The following STAU2 variants were observed in gnomAD, a reference collection of about 807,000 sequenced individuals.
STAU2 encodes double-stranded RNA-binding protein Staufen homolog 2.
A neutral mutation model predicts 65.9 loss-of-function variants in STAU2; 20 were observed. That is an observed-to-expected ratio of 0.30 (90% CI 0.21 to 0.44). The LOEUF is 0.44. Among genes scored for constraint, STAU2 ranks in the 20% least tolerant of loss-of-function variants. The probability of loss-of-function intolerance (pLI) is 1.00; values close to 1 mark genes in which losing one functional copy is unlikely to be tolerated. For missense variants in STAU2, 558 were observed against 683.9 expected, an observed-to-expected ratio of 0.82 and a Z score of 2.05; for synonymous variants, 232 against 233.9, an observed-to-expected ratio of 0.99 and a Z score of 0.07.
chr8:73,737,563 T>C (rs1806527360), intron 3 of STAU2, among the ~76,000 whole-genome samples: 1 of 142,518 alleles, frequency 7.0e-6, no homozygotes. Context: ...TTTGTTTCTT[T>C]CCTTTTTTTT....
At chr8:73,678,042 C>T (rs552358164) in intron 5 of STAU2, among the ~76,000 whole-genome samples, 1 of 152,120 alleles carries the variant, frequency 6.6e-6, no homozygotes, top group African/African-American at 2.4e-5. Context: ...TTGTTCTGTT[C>T]CATTCCAAAT....
At chr8:73,453,264 C>A (rs1818894546) in intron 13 of STAU2, among the ~76,000 whole-genome samples, 1 of 152,040 alleles carries the variant, frequency 6.6e-6, no homozygotes, top group African/African-American at 2.4e-5. Context: ...AAGAGGTTGG[C>A]AATTATTGTA....
At chr8:73,611,063 G>A (rs7842195) in intron 9 of STAU2, among the ~76,000 whole-genome samples, 51,742 of 151,978 alleles carry the variant, frequency 0.34, 10,645 homozygotes, top group Non-Finnish European at 0.45. Context: ...TAAAACCAAG[G>A]CAAATAATCA....
At chr8:73,641,689 G>A (rs1814983540) in intron 6 of STAU2, among the ~76,000 whole-genome samples, 1 of 152,146 alleles carries the variant, frequency 6.6e-6, no homozygotes, top group Non-Finnish European at 1.5e-5. Context: ...CCGCAGTAAA[G>A]AAAACTGTTG....
At chr8:73,573,153 T>C (rs957687324) in intron 12 of STAU2, among the ~76,000 whole-genome samples, 9 of 152,184 alleles carry the variant, frequency 5.9e-5, no homozygotes, top group African/African-American at 2.2e-4. Context: ...CCATTCACAA[T>C]TGCTTCAAAG....
chr8:73,493,062 T>A (rs761816778), intron 13 of STAU2, among the ~76,000 whole-genome samples: 1 of 151,864 alleles, frequency 6.6e-6, no homozygotes, highest in Non-Finnish European at 1.5e-5. Context: ...TCCATTTATG[T>A]CAGAATAACT....
At chr8:73,627,836 C>G (rs1813803948) in intron 6 of STAU2, among the ~76,000 whole-genome samples, 1 of 150,510 alleles carries the variant, frequency 6.6e-6, no homozygotes, top group Non-Finnish European at 1.5e-5. Context: ...GATTTAAGTT[C>G]CAGCTACTAG....
At chr8:73,605,766 T>C (rs1811962763) in intron 9 of STAU2, among the ~76,000 whole-genome samples, 1 of 151,590 alleles carries the variant, frequency 6.6e-6, no homozygotes, top group Non-Finnish European at 1.5e-5. Flanking sequence ...GTGTGTAGTA[T>C]TGGTATAAAG....
intron 3 of STAU2, among the ~76,000 whole-genome samples, chr8:73,715,466 AG>A (rs11368187): frequency 0.24 from 34,597 of 142,986 alleles, 4,471 homozygotes; most frequent in East Asian, 0.41. Flanking sequence ...AAAAAAAAAA[AG>A]AAAGAAAGAA....
chr8:73,454,995 A>G (rs908066595), intron 13 of STAU2, among the ~76,000 whole-genome samples: 4 of 152,192 alleles, frequency 2.6e-5, no homozygotes, highest in African/African-American at 9.6e-5. Flanking sequence ...AGTCCAAGCC[A>G]GCTCATGCTT....
chr8:73,641,532 G>A (rs979283364), intron 6 of STAU2, among the ~76,000 whole-genome samples: 1 of 152,174 alleles, frequency 6.6e-6, no homozygotes, highest in African/African-American at 2.4e-5. Context: ...ATGTCAGCCA[G>A]CATTTCCTAA....
chr8:73,452,890 C>A (rs1262452265), intron 13 of STAU2, among the ~76,000 whole-genome samples: 1 of 152,144 alleles, frequency 6.6e-6, no homozygotes, highest in African/African-American at 2.4e-5. Flanking sequence ...TCCAACGAGC[C>A]AGAAGAAAGT....
intron 6 of STAU2, among the ~76,000 whole-genome samples, chr8:73,665,781 T>C (rs28540646): frequency 0.072 from 11,026 of 152,182 alleles, 436 homozygotes; most frequent in Middle Eastern, 0.14. Context: ...CCCCTACAGA[T>C]ACCAAAATCC....
chr8:73,721,287 C>CAAAAAAAA (rs35721754), intron 3 of STAU2, among the ~76,000 whole-genome samples: 446 of 12,448 alleles, frequency 0.036, 79 homozygotes, highest in East Asian at 0.093. Flanking sequence ...ACCCCACCTC[C>CAAAAAAAA]AAAAAAAAAA....
chr8:73,614,740 A>G (rs1349085966), intron 8 of STAU2, among the ~76,000 whole-genome samples: 1 of 149,076 alleles, frequency 6.7e-6, no homozygotes, highest in Non-Finnish European at 1.5e-5. Context: ...GTTCTTACTC[A>G]TTGTAGCCTT....
chr8:73,660,876 AAAT>A (rs1289352539), intron 6 of STAU2, among the ~76,000 whole-genome samples: 1 of 152,210 alleles, frequency 6.6e-6, no homozygotes, highest in Non-Finnish European at 1.5e-5. Flanking sequence ...ATACACCCAG[AAAT>A]AATAACAGAA....
intron 9 of STAU2, among the ~76,000 whole-genome samples, chr8:73,608,121 AG>A (rs983295046): frequency 2.6e-5 from 4 of 152,308 alleles, no homozygotes; most frequent in African/African-American, 9.6e-5. Flanking sequence ...AATTACTAAG[AG>A]GTTTTAAGCA....
intron 1 of STAU2, among the ~76,000 whole-genome samples, chr8:73,742,044 A>G (rs1002070683): frequency 6.6e-6 from 1 of 152,218 alleles, no homozygotes; most frequent in South Asian, 2.1e-4. Flanking sequence ...TTTTAGATTT[A>G]CATCAATTTA....
chr8:73,548,597 G>T (rs572330191), intron 13 of STAU2, among the ~76,000 whole-genome samples: 3 of 152,250 alleles, frequency 2.0e-5, no homozygotes, highest in African/African-American at 7.2e-5. Flanking sequence ...CATCTTGCTG[G>T]AAATGGCATG....
Sources: gnomAD v4.1 joint callset for allele counts (sites outside exome capture counted in the v4.1 genomes callset) on GRCh38, gnomAD v4.1.1 for gene constraint, MANE v1.5 for transcripts, NCBI Gene and HGNC (gene_info 2026-07-23, HGNC 2026-07-21) for gene names.